Variants in PIEZO2 observed in about 807,000 individuals in gnomAD.
PIEZO2 encodes the protein piezo type mechanosensitive ion channel component 2, also known as piezo-type mechanosensitive ion channel component 2.
Under a neutral mutation model 337.3 loss-of-function variants are expected in PIEZO2, and 172 were observed. The ratio of observed to expected loss-of-function variants is 0.51; its 90% CI spans 0.45 to 0.58. The LOEUF is 0.58. Among genes scored for constraint, PIEZO2 ranks in the 20% least tolerant of loss-of-function variants. PIEZO2 has a pLI of 0.00. For missense variants in PIEZO2, 3,028 were observed against 3,391.3 expected, an observed-to-expected ratio of 0.89 and a Z score of 2.66; for synonymous variants, 1,251 against 1,228.5, an observed-to-expected ratio of 1.02 and a Z score of -0.38.
In PIEZO2 at chr18:10,760,976, C is replaced by T; in HGVS notation, c.3385G>A (p.Asp1129Asn). 1 of 1,535,244 alleles carries T rather than the reference C, an allele frequency of 6.5e-7. No individual in the cohort carries two copies. Among genetic ancestry groups the T allele is most frequent in the Non-Finnish European group, 8.7e-7 (1 of 1,145,072 alleles). Residue 1129 changes from aspartate (D) to asparagine (N), a missense_variant, in exon 24 of 56, where the codon GAT (aspartate) becomes AAT (asparagine). Physicochemically the swap from Asp to Asn is conservative, Grantham distance 23 (BLOSUM62 1). Transcript: ENST00000674853. ...TTGGCACAATTAATAAGTCCATCAT[C>T]TAGATGTAGTCTTGTAATGTCATGA... ...IFHDITRLHL[D>N]DGLINCAKYF...
intron 7 of PIEZO2, among the ~76,000 whole-genome samples, chr18:10,823,453 A>T (rs1445334854): frequency 2.0e-5 from 3 of 152,162 alleles, no homozygotes; most frequent in Non-Finnish European, 4.4e-5. Flanking sequence ...TTTCTCACAC[A>T]TCCTGTTAAT....
intron 7 of PIEZO2, among the ~76,000 whole-genome samples, chr18:10,822,742 C>T (rs548480406): frequency 2.8e-4 from 42 of 152,274 alleles, no homozygotes; most frequent in African/African-American, 9.6e-4. Flanking sequence ...TTTGTGAACG[C>T]GTTGGGGTGC....
chr18:10,674,769 C>T (rs796715171), intron 54 of PIEZO2, among the ~76,000 whole-genome samples: 16 of 152,290 alleles, frequency 1.1e-4, no homozygotes, highest in Admixed American at 5.2e-4. Context: ...AGTTATATTG[C>T]GAAAATTCAA....
At position 10,784,796 on chromosome 18, in the gene PIEZO2, T is replaced by A; in HGVS notation, c.2480A>T (p.Asn827Ile). ...TCCAGTGGCTCACCTGTAGATGGTG[T>A]TGTCTTCTTTGCTGGGAATGGACTT... Reference protein sequence around the residue: ...DLKSIPSKEDNTIYSHAKVNG... With the variant: ...DLKSIPSKEDITIYSHAKVNG... Residue 827 changes from asparagine to isoleucine, a missense_variant, in exon 17 of 56, where the codon AAC becomes ATC. Physicochemically the swap from Asn to Ile is moderately radical, Grantham distance 149. This residue lies in a region of PIEZO2 where 1,925 missense variants were observed against 2,051.9 expected (regional missense o/e 0.94). Transcript: ENST00000674853. The surrounding 1 kb of genome is among the most constrained non-coding windows in gnomAD (Gnocchi z 4.5). 14 of 1,536,800 alleles carry A rather than the reference T, an allele frequency of 9.1e-6. No homozygotes were observed. Among genetic ancestry groups the A allele is most frequent in the Non-Finnish European group, 1.2e-5 (14 of 1,146,480 alleles).
chr18:10,976,401 T>C (rs1480776981), intron 3 of PIEZO2, among the ~76,000 whole-genome samples: 1 of 152,244 alleles, frequency 6.6e-6, no homozygotes, highest in East Asian at 1.9e-4. Context: ...TCAAGTTTCC[T>C]ATGGCTGGAA....
intron 4 of PIEZO2, among the ~76,000 whole-genome samples, chr18:10,902,296 A>T (rs947786579): frequency 6.6e-6 from 1 of 152,240 alleles, no homozygotes; most frequent in African/African-American, 2.4e-5. Flanking sequence ...GGAGGTCTCA[A>T]ATTGCAGAAT....
At chr18:10,718,468 A>C (rs2036106345) in intron 36 of PIEZO2, among the ~76,000 whole-genome samples, 1 of 152,228 alleles carries the variant, frequency 6.6e-6, no homozygotes, top group African/African-American at 2.4e-5. Flanking sequence ...AGGATGTGTA[A>C]ACTACATTCG....
At position 10,847,926 on chromosome 18, in the gene PIEZO2, T is replaced by G. The variant is rs1345317548; in HGVS notation, c.917+7427A>C. Among the ~76,000 whole-genome samples, 4 of 152,210 alleles carry G rather than the reference T, an allele frequency of 2.6e-5. No homozygotes were observed. The highest frequency in any genetic ancestry group is 9.6e-5 in the African/African-American group (4 of 41,458). On this transcript the variant is annotated intron_variant, in intron 7 of 55. Coordinates refer to ENST00000674853, the MANE Select transcript of PIEZO2 (RefSeq NM_001378183.1). This position sits in a 1 kb window ranked among gnomAD's most constrained non-coding sequence, Gnocchi z 5.7. ...CTTGGTTGGGTTCATTTGCATTCCT[T>G]AGCATTATAATAACGTGCTTTACAT...
chr18:10,868,976 G>GATTCTTTTAT (rs1177581552), intron 5 of PIEZO2, among the ~76,000 whole-genome samples: 8 of 152,334 alleles, frequency 5.3e-5, no homozygotes, highest in Non-Finnish European at 1.0e-4. Flanking sequence ...CTTTTACTGA[G>GATTCTTTTAT]TGGGTTGGCC....
rs997831856 is a variant in PIEZO2 at position 10,942,151 on chromosome 18, T to C, written c.287-30923A>G. Among the ~76,000 whole-genome samples, 1 of 152,210 alleles carries C rather than the reference T, an allele frequency of 6.6e-6. No individual in the cohort carries two copies. Among genetic ancestry groups the C allele is most frequent in the Non-Finnish European group, 1.5e-5 (1 of 68,034 alleles). ...TAAAATGCCTAGTCTCTGGAATGTC[T>C]TTCTCAGCAGCATGAAAATGAACTA... On this transcript the variant is annotated intron_variant, in intron 3 of 55. Coordinates refer to ENST00000674853, the MANE Select transcript of PIEZO2 (RefSeq NM_001378183.1). This position sits in a 1 kb window ranked among gnomAD's most constrained non-coding sequence, Gnocchi z 4.4.
In PIEZO2 at chr18:10,877,927, G is replaced by C. The variant is rs115649309; in HGVS notation, c.330-6512C>G. 6.6e-6 allele frequency among the ~76,000 whole-genome samples: 1 copy of C among 151,958 alleles called. No individual in the cohort carries two copies. The highest frequency in any genetic ancestry group is 1.5e-5 in the Non-Finnish European group (1 of 68,000). ...TACTGAATGCACGTACCCAGAACGCGCCAGTGTTTTCCCTCTGAGCAAGTG... is the reference window on the plus strand; with the variant it reads ...TACTGAATGCACGTACCCAGAACGCCCCAGTGTTTTCCCTCTGAGCAAGTG... On this transcript the variant is annotated intron_variant, in intron 4 of 55. Coordinates refer to ENST00000674853, the MANE Select transcript of PIEZO2 (RefSeq NM_001378183.1). This position sits in a 1 kb window ranked among gnomAD's most constrained non-coding sequence, Gnocchi z 5.3.
At position 11,112,921 on chromosome 18, in the gene PIEZO2, G is replaced by A. The variant is rs905293806; in HGVS notation, c.64+35604C>T. On this transcript the variant is annotated intron_variant, in intron 1 of 55. Coordinates refer to ENST00000674853, the MANE Select transcript of PIEZO2 (RefSeq NM_001378183.1). The surrounding 1 kb of genome is among the most constrained non-coding windows in gnomAD (Gnocchi z 4.3). ...TGGGCCCATCTAAGACTGCCTCCCA[G>A]GGTTTTCTCAGGTTCAAGCTGCTCT... Among the ~76,000 whole-genome samples the A allele has an allele frequency of 2.0e-5, 3 of 152,136 alleles. No individual in the cohort carries two copies. The highest frequency in any genetic ancestry group is 4.4e-5 in the Non-Finnish European group (3 of 68,026).
intron 11 of PIEZO2, among the ~76,000 whole-genome samples, chr18:10,799,854 TC>T (rs111424727): frequency 0.23 from 34,603 of 151,380 alleles, 4,306 homozygotes; most frequent in East Asian, 0.4. Context: ...GCACCTGTAG[TC>T]CCAACTACTA....
intron 2 of PIEZO2, among the ~76,000 whole-genome samples, chr18:10,997,038 A>C (rs1387700032): frequency 6.6e-6 from 1 of 152,128 alleles, no homozygotes; most frequent in Admixed American, 6.5e-5. Context: ...CAAATCATGC[A>C]CTCATGGAAC....
chr18:10,672,723 C>T lies in PIEZO2; in HGVS notation c.8312G>A (p.Ser2771Asn). 1 of 1,613,988 alleles carries T rather than the reference C, an allele frequency of 6.2e-7. No homozygotes were observed. The highest frequency in any genetic ancestry group is 8.5e-7 in the Non-Finnish European group (1 of 1,179,956). ...LELVVFNDKV[S>N]PPSLGFLAGY... ...AGCCAGGAACCCCAGACTTGGGGGA[C>T]TGACTTTGTCATTGAAGACCACCAG... Residue 2771 changes from serine to asparagine, a missense_variant, in exon 55 of 56, where the codon AGT becomes AAT. Ser to Asn is a conservative substitution (Grantham distance 46). Around this residue, in one of 5 missense-constraint regions of PIEZO2, gnomAD observed 332 missense variants for 363.8 expected, o/e 0.91. Transcript: ENST00000674853. This position sits in a 1 kb window ranked among gnomAD's most constrained non-coding sequence, Gnocchi z 4.7.
At position 10,702,013 on chromosome 18, in the gene PIEZO2, C is replaced by T. The variant is rs1283930758; in HGVS notation, c.6417G>A (p.Leu2139=). Residue 2139 remains leucine (L), a synonymous_variant, in exon 43 of 56, where the codon CTG becomes CTA. Transcript: ENST00000674853. ...VLYDLIQLLA[L]FFHRSILKCH... ...CCTTCAAAATTGATCGATGAAAGAA[C>T]AGAGCCAGGAGCTGGATGAGGTCAT... The T allele has an allele frequency of 1.3e-6, 2 of 1,527,862 alleles. No individual in the cohort carries two copies. Among genetic ancestry groups the T allele is most frequent in the South Asian group, 1.2e-5 (1 of 82,224 alleles). The allele number at this position is 1,527,862 out of a possible 1,614,324, so 94.6% of individuals were successfully genotyped here.
In PIEZO2 at chr18:10,677,696, C is replaced by T. The variant is rs2034071200; in HGVS notation, c.8081+51G>A. 6.4e-7 allele frequency: 1 copy of T among 1,568,960 alleles called. No individual in the cohort carries two copies. Among genetic ancestry groups the T allele is most frequent in the Non-Finnish European group, 8.6e-7 (1 of 1,160,558 alleles). On this transcript the variant is annotated intron_variant, in intron 53 of 55. Coordinates refer to ENST00000674853, the MANE Select transcript of PIEZO2 (RefSeq NM_001378183.1). The surrounding 1 kb of genome is among the most constrained non-coding windows in gnomAD (Gnocchi z 4.1). The stretch of plus-strand genomic sequence containing the variant: ...TGAATCTGTAGATGGACATTTTGTA[C>T]CAGCTGCATATACCTAACAAAGCTC...
At position 11,112,394 on chromosome 18, in the gene PIEZO2, C is replaced by T. The variant is rs1299846626; in HGVS notation, c.64+36131G>A. 5.3e-5 allele frequency among the ~76,000 whole-genome samples: 8 copies of T among 152,164 alleles called. No homozygotes were observed. The highest frequency in any genetic ancestry group is 1.2e-4 in the Non-Finnish European group (8 of 68,034). ...TCATTCTGAGAACAACCCTTCAACGCTTTAATTAAAGAGGCCTACAACATC... is the reference window on the plus strand; with the variant it reads ...TCATTCTGAGAACAACCCTTCAACGTTTTAATTAAAGAGGCCTACAACATC... On this transcript the variant is annotated intron_variant, in intron 1 of 55. Transcript: ENST00000674853. This position sits in a 1 kb window ranked among gnomAD's most constrained non-coding sequence, Gnocchi z 4.3.
chr18:10,776,882 T>C (rs573388531), intron 18 of PIEZO2, among the ~76,000 whole-genome samples: 1 of 152,206 alleles, frequency 6.6e-6, no homozygotes, highest in Non-Finnish European at 1.5e-5. Flanking sequence ...CCCACTCTAG[T>C]AAAAATACTC....
Sources: allele counts gnomAD v4.1 joint callset (sites outside exome capture counted in the v4.1 genomes callset), GRCh38; gene constraint gnomAD v4.1.1; regional missense constraint gnomAD v4.1.1; non-coding constraint Gnocchi (gnomAD v3.1); transcripts MANE v1.5; gene names NCBI Gene and HGNC (gene_info 2026-07-23, HGNC 2026-07-21).